The following GLI2 variants were observed in gnomAD, a reference collection of about 807,000 sequenced individuals.
GLI2 encodes GLI family zinc finger 2, also known as transcription activator GLI2.
A neutral mutation model predicts 78.9 loss-of-function variants in GLI2; 22 were observed. The observed-to-expected ratio is 0.28, with a 90% confidence interval of 0.20 to 0.40. The LOEUF (loss-of-function observed/expected upper bound fraction) is 0.40, where lower values mean the gene tolerates loss of function less well. Among genes scored for constraint, GLI2 ranks in the 10% least tolerant of loss-of-function variants. The pLI is 1.00. For missense variants in GLI2, 2,097 were observed against 2,213.2 expected, an observed-to-expected ratio of 0.95 and a Z score of 1.05; for synonymous variants, 974 against 963.7, an observed-to-expected ratio of 1.01 and a Z score of -0.20.
intron 2 of GLI2, among the ~76,000 whole-genome samples, chr2:120,840,482 A>T (rs945503299): frequency 6.6e-6 from 1 of 152,226 alleles, no homozygotes; most frequent in Admixed American, 6.5e-5. Flanking sequence ...CCTGTGCAGC[A>T]TGAGTTAAGG....
chr2:120,748,409 C>T (rs1337487636), intron 1 of GLI2, among the ~76,000 whole-genome samples: 1 of 152,192 alleles, frequency 6.6e-6, no homozygotes, highest in Non-Finnish European at 1.5e-5. Flanking sequence ...CAGACTGGGT[C>T]TTCCAGGAGG....
At chr2:120,931,856 C>T (rs1054118902) in intron 3 of GLI2, among the ~76,000 whole-genome samples, 3 of 152,200 alleles carry the variant, frequency 2.0e-5, no homozygotes, top group African/African-American at 7.2e-5. Context: ...TCTGGTTAAG[C>T]CCCAGTGATG....
At chr2:120,783,612 A>G (rs1683910424) in intron 1 of GLI2, among the ~76,000 whole-genome samples, 2 of 152,052 alleles carry the variant, frequency 1.3e-5, no homozygotes, top group Admixed American at 1.3e-4. Flanking sequence ...TCATGCCAAG[A>G]AACCACGAAG....
At chr2:120,762,219 G>A (rs1313515742) in intron 1 of GLI2, among the ~76,000 whole-genome samples, 1 of 152,182 alleles carries the variant, frequency 6.6e-6, no homozygotes, top group Non-Finnish European at 1.5e-5. Context: ...TGGCTCTGGG[G>A]GATGGATGGG....
At chr2:120,769,908 G>A (rs1683476317) in intron 1 of GLI2, among the ~76,000 whole-genome samples, 1 of 152,038 alleles carries the variant, frequency 6.6e-6, no homozygotes, top group Non-Finnish European at 1.5e-5. Context: ...GCATGTGTGG[G>A]CACAGCCTCT....
At chr2:120,839,380 G>T (rs1292205057) in intron 2 of GLI2, among the ~76,000 whole-genome samples, 2 of 152,100 alleles carry the variant, frequency 1.3e-5, no homozygotes, top group Non-Finnish European at 2.9e-5. Flanking sequence ...GGTAATTCCA[G>T]TTTTCTATTT....
Position 120,894,944 on chromosome 2 carries a change from G to A in GLI2, c.149-32417G>A, listed in dbSNP as rs558687800. ...GAACTCCTGACCTCGTGATCTGCCC[G>A]CCTCAGCTTCCCAAAGTTCTGGGAT... On this transcript the variant is annotated intron_variant, in intron 2 of 13. Transcript: ENST00000361492. Among the ~76,000 whole-genome samples, 15 of 152,246 alleles carry A rather than the reference G, an allele frequency of 9.9e-5. No homozygotes were observed. In the South Asian group the frequency reaches 2.5e-3, roughly 25 times the overall value.
At chr2:120,882,163 A>T (rs1006929405) in intron 2 of GLI2, among the ~76,000 whole-genome samples, 3 of 151,910 alleles carry the variant, frequency 2.0e-5, no homozygotes, top group African/African-American at 7.3e-5. Flanking sequence ...AGTGAACTTG[A>T]CCTTTAGGGG....
intron 5 of GLI2, among the ~76,000 whole-genome samples, chr2:120,964,892 G>A (rs1223035465): frequency 2.6e-5 from 4 of 152,244 alleles, no homozygotes; most frequent in Admixed American, 6.5e-5. Flanking sequence ...AGACATCAGG[G>A]CTTCTTTGGA....
At position 120,963,246 on chromosome 2, in the gene GLI2, C is replaced by T. The variant is rs79289393; in HGVS notation, c.644-5468C>T. 5.8e-3 allele frequency among the ~76,000 whole-genome samples: 878 copies of T among 152,318 alleles called. 11 individuals are homozygous for T. Among genetic ancestry groups the T allele is most frequent in the African/African-American group, 0.02 (830 of 41,564 alleles). On this transcript the variant is annotated intron_variant, in intron 5 of 13. Transcript: ENST00000361492. ...ATTAGCAATTTCATTTTGGAATGCC[C>T]GCTGGGTTTTAGGCACTATTCTTGG...
chr2:120,736,931 T>C (rs935372913), intron 1 of GLI2, among the ~76,000 whole-genome samples: 2 of 149,150 alleles, frequency 1.3e-5, no homozygotes, highest in Admixed American at 6.7e-5. Context: ...TGAGATCCGC[T>C]TGACTTCCCA....
At chr2:120,776,394 AG>A (rs2104664233) in intron 1 of GLI2, among the ~76,000 whole-genome samples, 1 of 152,298 alleles carries the variant, frequency 6.6e-6, no homozygotes, top group Admixed American at 6.5e-5. Flanking sequence ...AGTGAGGTCC[AG>A]GGTGTGCTGA....
chr2:120,937,304 A>AT (rs1254402006), intron 3 of GLI2, among the ~76,000 whole-genome samples: 2 of 152,118 alleles, frequency 1.3e-5, no homozygotes, highest in African/African-American at 4.8e-5. Context: ...ACATGCATAG[A>AT]TTTTGTAGCA....
At chr2:120,961,384 G>A (rs543336397) in intron 5 of GLI2, among the ~76,000 whole-genome samples, 6 of 152,278 alleles carry the variant, frequency 3.9e-5, no homozygotes, top group East Asian at 1.9e-4. Flanking sequence ...AAGGGGAACC[G>A]AGGCAAAGGA....
chr2:120,840,571 T>G (rs2104577295), intron 2 of GLI2, among the ~76,000 whole-genome samples: 1 of 152,286 alleles, frequency 6.6e-6, no homozygotes, highest in African/African-American at 2.4e-5. Context: ...TTTTGTATTC[T>G]TTTGATAGCT....
intron 5 of GLI2, among the ~76,000 whole-genome samples, chr2:120,958,842 G>A (rs992631100): frequency 3.9e-5 from 6 of 152,180 alleles, no homozygotes; most frequent in East Asian, 1.9e-4. Context: ...GACCCAAGGC[G>A]CCCCCAACTG....
At chr2:120,775,429 A>C (rs911962750) in intron 1 of GLI2, among the ~76,000 whole-genome samples, 7 of 152,148 alleles carry the variant, frequency 4.6e-5, no homozygotes, top group Non-Finnish European at 8.8e-5. Flanking sequence ...TGGTGGTGTC[A>C]CGTGTGCCTG....
At chr2:120,896,630 AACACACATACACACACACACACAC>A (rs1677958125) in intron 2 of GLI2, among the ~76,000 whole-genome samples, 2 of 141,642 alleles carry the variant, frequency 1.4e-5, no homozygotes, top group Non-Finnish European at 3.0e-5. Flanking sequence ...TCCTTTGAAA[AACACACATACACACACACACACAC>A]ACACACATAC....
At chr2:120,851,661 C>T (rs768078299) in intron 2 of GLI2, among the ~76,000 whole-genome samples, 2 of 152,192 alleles carry the variant, frequency 1.3e-5, no homozygotes, top group Admixed American at 6.5e-5. Flanking sequence ...ACACTGTCCC[C>T]GAACACAGAG....
Sources: gnomAD v4.1 joint callset for allele counts (sites outside exome capture counted in the v4.1 genomes callset) on GRCh38, gnomAD v4.1.1 for gene constraint, MANE v1.5 for transcripts, NCBI Gene and HGNC (gene_info 2026-07-23, HGNC 2026-07-21) for gene names.